The following ARPP19 variants were observed in gnomAD, a reference collection of about 807,000 sequenced individuals.
The protein encoded by ARPP19 is cAMP-regulated phosphoprotein 19.
In ARPP19, 8 loss-of-function variants were observed where a neutral mutation model predicts 12.0. The observed-to-expected ratio is 0.67, with a 90% CI of 0.39 to 1.21. The LOEUF is 1.21. ARPP19 is among the 50% of genes most tolerant of loss of function. The probability of loss-of-function intolerance (pLI) is 0.01; values close to 1 mark genes in which losing one functional copy is unlikely to be tolerated. For missense variants in ARPP19, 102 were observed against 136.3 expected (o/e 0.75, Z 1.25); for synonymous variants, 47 against 50.4 (o/e 0.93, Z 0.29).
chr15:52,560,248 C>T (rs565887241), intron 1 of ARPP19, among the ~76,000 whole-genome samples: 4 of 152,024 alleles, frequency 2.6e-5, no homozygotes, highest in Non-Finnish European at 4.4e-5. Flanking sequence ...CTGCCCGCCT[C>T]GGCCTCCCAA....
At chr15:52,564,397 G>GT (rs1555393711) in intron 1 of ARPP19, among the ~76,000 whole-genome samples, 1 of 152,206 alleles carries the variant, frequency 6.6e-6, no homozygotes, top group Non-Finnish European at 1.5e-5. Flanking sequence ...GGGCGACAGA[G>GT]TAAGACCCTG....
intron 1 of ARPP19, among the ~76,000 whole-genome samples, chr15:52,565,680 AC>A (rs1310709000): frequency 6.6e-6 from 1 of 152,160 alleles, no homozygotes; most frequent in Non-Finnish European, 1.5e-5. Context: ...TAAAAGGGGA[AC>A]TGAGCCACCA....
In ARPP19 at chr15:52,549,197, C is replaced by A. The variant is rs1281414754; in HGVS notation, c.*2737G>T. 3.3e-5 allele frequency: 5 copies of A among 152,168 alleles called. No individual in the cohort carries two copies. Among genetic ancestry groups the A allele is most frequent in the African/African-American group, 9.7e-5 (4 of 41,438 alleles). 9.4% of individuals were successfully genotyped at this position (152,168 alleles called of 1,614,324 possible). A position where few individuals can be genotyped will look rare whatever the true frequency, so the allele number is the denominator to read the frequency against. ...TATCAACAACTTCAATTTATTCCAA[C>A]ATTAATTTATGATAGGACAGTTATT... On this transcript the variant is annotated 3_prime_UTR_variant, in exon 3 of 3. Transcript: ENST00000249822.
intron 1 of ARPP19, chr15:52,564,070 T>C: frequency 1.5e-6 from 1 of 650,156 alleles, no homozygotes; most frequent in Non-Finnish European, 2.6e-6. Flanking sequence ...ACACAGCTTC[T>C]GGATTAGAAG....
rs1422848078 is a variant in ARPP19, at chr15:52,557,208, T to A, written c.60A>T (p.Lys20Asn). Reference protein sequence around the residue: ...SAEEQKEMEDKVTSPEKAEEA... With the variant: ...SAEEQKEMEDNVTSPEKAEEA... Reference sequence around the variant, plus strand: ...CTTCTGCTTTCTCTGGACTAGTCACTTTATCTTCCATTTCCTAAAATAATT... The same window carrying A: ...CTTCTGCTTTCTCTGGACTAGTCACATTATCTTCCATTTCCTAAAATAATT... The change falls in exon 2 of 3, where the codon AAA becomes AAT. Residue 20 changes from lysine (K) to asparagine (N), a missense_variant. Transcript: ENST00000249822. The A allele has an allele frequency of 1.2e-6, 2 of 1,600,020 alleles. No homozygotes were observed. The highest frequency in any genetic ancestry group is 2.7e-5 in the African/African-American group (2 of 74,410).
chr15:52,564,397 G>GTA (rs1447357625), intron 1 of ARPP19, among the ~76,000 whole-genome samples: 1 of 152,206 alleles, frequency 6.6e-6, no homozygotes, highest in Non-Finnish European at 1.5e-5. Flanking sequence ...GGGCGACAGA[G>GTA]TAAGACCCTG....
In ARPP19 at chr15:52,547,582, T is replaced by C. The variant is rs917304893; in HGVS notation, c.*4352A>G. 1 of 152,218 alleles carries C rather than the reference T, an allele frequency of 6.6e-6. No individual in the cohort carries two copies. The highest frequency in any genetic ancestry group is 1.5e-5 in the Non-Finnish European group (1 of 68,034). The allele number at this position is 152,218 out of a possible 1,614,324, so 9.4% of individuals were successfully genotyped here. A position where few individuals can be genotyped will look rare whatever the true frequency, so the allele number is the denominator to read the frequency against. On this transcript the variant is annotated 3_prime_UTR_variant, in exon 3 of 3. Transcript: ENST00000249822. ...GCAGAATACCTAGAGGCCTACCTAA[T>C]TAGAAGGTTGAAACTTAGTAAAACC... is the stretch of plus-strand genomic sequence containing the variant.
Position 52,550,434 on chromosome 15 carries a change from A to G in ARPP19, c.*1500T>C, listed in dbSNP as rs1459885399. ...TTACCAAAATTCAGCTCATCTTGAC[A>G]TAGGTTCTTGAGCCAGTATTCCGAA... On this transcript the variant is annotated 3_prime_UTR_variant, in exon 3 of 3. Transcript: ENST00000249822. 6.6e-6 allele frequency: 1 copy of G among 152,216 alleles called. No individual in the cohort carries two copies. Among genetic ancestry groups the G allele is most frequent in the Non-Finnish European group, 1.5e-5 (1 of 68,030 alleles). 9.4% of individuals were successfully genotyped at this position (152,216 alleles called of 1,614,324 possible).
chr15:52,548,684 A>G lies in ARPP19; in HGVS notation c.*3250T>C, dbSNP rs2077901553. 1 of 152,486 alleles carries G rather than the reference A, an allele frequency of 6.6e-6. No individual in the cohort carries two copies. The highest frequency in any genetic ancestry group is 1.5e-5 in the Non-Finnish European group (1 of 68,276). 9.4% of individuals were successfully genotyped at this position (152,486 alleles called of 1,614,324 possible). A position where few individuals can be genotyped will look rare whatever the true frequency, so the allele number is the denominator to read the frequency against. On this transcript the variant is annotated 3_prime_UTR_variant, in exon 3 of 3. Coordinates refer to ENST00000249822, the MANE Select transcript of ARPP19 (RefSeq NM_006628.6). ...AAACATAGTTGATAAAGGGTTCAGT[A>G]CTATCTGAGGTTTCAGGCATCCACT...
intron 1 of ARPP19, among the ~76,000 whole-genome samples, chr15:52,567,623 T>G (rs1476327743): frequency 2.0e-5 from 3 of 152,246 alleles, no homozygotes; most frequent in Admixed American, 1.3e-4. Flanking sequence ...AAAATCCATT[T>G]TTTTGGTAAT....
chr15:52,563,701 C>T (rs1465238907), intron 1 of ARPP19, among the ~76,000 whole-genome samples: 1 of 152,142 alleles, frequency 6.6e-6, no homozygotes, highest in Non-Finnish European at 1.5e-5. Flanking sequence ...TATACAGCAA[C>T]GTCAGCAATA....
intron 1 of ARPP19, among the ~76,000 whole-genome samples, chr15:52,566,118 C>T (rs1191948109): frequency 2.6e-5 from 4 of 151,964 alleles, no homozygotes; most frequent in Admixed American, 6.6e-5. Context: ...CCTCCCAAAG[C>T]GCTGGGATTA....
intron 2 of ARPP19, among the ~76,000 whole-genome samples, chr15:52,554,492 A>C (rs1040346652): frequency 2.6e-5 from 4 of 152,206 alleles, no homozygotes; most frequent in African/African-American, 9.6e-5. Flanking sequence ...AACAACGATG[A>C]TGATATGTCT....
chr15:52,565,428 T>C (rs1189468233), intron 1 of ARPP19, among the ~76,000 whole-genome samples: 1 of 152,204 alleles, frequency 6.6e-6, no homozygotes, highest in Non-Finnish European at 1.5e-5. Flanking sequence ...TACTCAAAAC[T>C]TTTAAATGTT....
chr15:52,562,403 A>G (rs1190883829), intron 1 of ARPP19, among the ~76,000 whole-genome samples: 2 of 152,132 alleles, frequency 1.3e-5, no homozygotes, highest in African/African-American at 2.4e-5. Context: ...TTAAAAACAT[A>G]CTTCTAAATA....
At chr15:52,563,093 C>G (rs777000217) in intron 1 of ARPP19, among the ~76,000 whole-genome samples, 1 of 152,032 alleles carries the variant, frequency 6.6e-6, no homozygotes, top group Non-Finnish European at 1.5e-5. Context: ...CCACGCTGGT[C>G]TTGAACTCCT....
At chr15:52,565,997 G>C (rs1481389605) in intron 1 of ARPP19, among the ~76,000 whole-genome samples, 1 of 152,078 alleles carries the variant, frequency 6.6e-6, no homozygotes, top group Non-Finnish European at 1.5e-5. Context: ...TGGAACTACA[G>C]GTGCGTGCCA....
chr15:52,553,368 C>T (rs2077953525), intron 2 of ARPP19, among the ~76,000 whole-genome samples: 1 of 152,066 alleles, frequency 6.6e-6, no homozygotes, highest in African/African-American at 2.4e-5. Context: ...CCCTTTACCA[C>T]TAACATGCAA....
intron 2 of ARPP19, among the ~76,000 whole-genome samples, chr15:52,555,991 C>T (rs1015622330): frequency 6.6e-6 from 1 of 151,998 alleles, no homozygotes; most frequent in Non-Finnish European, 1.5e-5. Context: ...CATTAACTAA[C>T]ATTTTTGTAA....
Sources: allele counts gnomAD v4.1 joint callset (sites outside exome capture counted in the v4.1 genomes callset), GRCh38; gene constraint gnomAD v4.1.1; transcripts MANE v1.5; gene names NCBI Gene and HGNC (gene_info 2026-07-23, HGNC 2026-07-21).